The following EDEM2 variants were observed in gnomAD, a reference collection of about 807,000 sequenced individuals.
The protein encoded by EDEM2 is ER degradation enhancing alpha-mannosidase like protein 2.
A neutral mutation model predicts 64.8 loss-of-function variants in EDEM2; 39 were observed. The ratio of observed to expected loss-of-function variants is 0.60; its 90% CI spans 0.47 to 0.79. The LOEUF (loss-of-function observed/expected upper bound fraction) is 0.79. Ranked by LOEUF, EDEM2 falls within the 30% of genes least tolerant of loss-of-function variation. The pLI is 0.00. For missense variants in EDEM2, 609 were observed against 731.3 expected (o/e 0.83, Z 1.93); for synonymous variants, 296 against 291.5 (o/e 1.02, Z -0.16).
At chr20:35,135,774 C>G (rs1461913350) in intron 5 of EDEM2, among the ~76,000 whole-genome samples, 2 of 152,160 alleles carry the variant, frequency 1.3e-5, no homozygotes, top group African/African-American at 4.8e-5. Flanking sequence ...AACCACTAAA[C>G]CACGGATATA....
At position 35,144,290 on chromosome 20, in the gene EDEM2, T is replaced by C. The variant is rs140342024; in HGVS notation, c.258+689A>G. ...TGTTAGAAGAATTAATACATGTCTG[T>C]ACTAAGCCCTACAGAAACATACTAA... On this transcript the variant is annotated intron_variant, in intron 3 of 10. Coordinates refer to ENST00000374492, the MANE Select transcript of EDEM2 (RefSeq NM_018217.3). Among the ~76,000 whole-genome samples, 1,310 of 152,316 alleles carry C rather than the reference T, an allele frequency of 8.6e-3. 16 individuals are homozygous for C. Among genetic ancestry groups the C allele is most frequent in the African/African-American group, 0.027 (1,109 of 41,576 alleles).
At chr20:35,124,791 C>A (rs1404875307) in intron 8 of EDEM2, among the ~76,000 whole-genome samples, 1 of 152,114 alleles carries the variant, frequency 6.6e-6, no homozygotes, top group Non-Finnish European at 1.5e-5. Context: ...TTAATTATCT[C>A]CATATTTTTA....
chr20:35,142,093 T>G (rs556137770), intron 4 of EDEM2, among the ~76,000 whole-genome samples: 1 of 152,172 alleles, frequency 6.6e-6, no homozygotes, highest in Admixed American at 6.6e-5. Context: ...TGTTCATAGC[T>G]GTATGCCTAG....
intron 5 of EDEM2, among the ~76,000 whole-genome samples, chr20:35,135,551 T>G (rs1266721390): frequency 1.3e-5 from 2 of 152,162 alleles, no homozygotes; most frequent in Non-Finnish European, 2.9e-5. Context: ...TCTGGGAGAC[T>G]GAGGCACGAG....
intron 6 of EDEM2, among the ~76,000 whole-genome samples, chr20:35,132,265 A>G (rs1004613369): frequency 1.3e-5 from 2 of 152,070 alleles, no homozygotes; most frequent in African/African-American, 4.8e-5. Context: ...AGACAGGGGC[A>G]AAAGGGGACT....
Position 35,115,412 on chromosome 20 carries a change from A to C in EDEM2, c.*21T>G, listed in dbSNP as rs2085294669. ...TATAGTTTAGCCTCAAAAAAATAAAAATAAAAAAATTATCCAGTGGTTATG... is the reference window on the plus strand; with the variant it reads ...TATAGTTTAGCCTCAAAAAAATAAACATAAAAAAATTATCCAGTGGTTATG... On this transcript the variant is annotated 3_prime_UTR_variant, in exon 11 of 11. Transcript: ENST00000374492. 3 of 1,586,696 alleles carry C rather than the reference A, an allele frequency of 1.9e-6. No homozygotes were observed. In the South Asian group the frequency reaches 3.5e-5, roughly 18 times the overall value.
At chr20:35,141,635 G>A (rs968361163) in intron 4 of EDEM2, among the ~76,000 whole-genome samples, 8 of 152,208 alleles carry the variant, frequency 5.3e-5, no homozygotes, top group Non-Finnish European at 1.2e-4. Flanking sequence ...GGTGACAGCT[G>A]TTAAGTGGTC....
At chr20:35,145,448 T>C (rs1040629326) in intron 2 of EDEM2, among the ~76,000 whole-genome samples, 1 of 152,218 alleles carries the variant, frequency 6.6e-6, no homozygotes. Context: ...GATTAAACTG[T>C]GTTATAAACA....
intron 4 of EDEM2, 32 bp downstream of exon 4, chr20:35,142,341 T>C (rs750805682): frequency 9.6e-6 from 15 of 1,558,320 alleles, no homozygotes; most frequent in Non-Finnish European, 1.3e-5. Context: ...ACACTCTTTT[T>C]TCTTTTAAAG....
intron 5 of EDEM2, 55 bp from the exon 6 acceptor site, chr20:35,135,004 C>G: frequency 6.4e-7 from 1 of 1,558,028 alleles, no homozygotes; most frequent in Non-Finnish European, 8.8e-7. Flanking sequence ...AGGGATAGTT[C>G]TGATACACGC....
rs778527702 is a variant in EDEM2 at position 35,137,895 on chromosome 20, G to A, written c.475C>T (p.Arg159Ter). 5.0e-6 allele frequency: 8 copies of A among 1,613,940 alleles called. No individual in the cohort carries two copies. Among genetic ancestry groups the A allele is most frequent in the African/African-American group, 1.3e-5 (1 of 74,888 alleles). The change falls in exon 5 of 11, where the codon CGA becomes TGA. Residue 159 changes from arginine to a stop codon, truncating the protein, a stop_gained. Coordinates refer to ENST00000374492, the MANE Select transcript of EDEM2 (RefSeq NM_018217.3). LOFTEE classifies it high-confidence loss of function. ...PLLRMAEEAA[R>*]KLLPAFQTPT... ...TGGGTCTTACCTGGGAGGAGTTTTC[G>A]GGCCGCCTCCTCAGCCATTCTCAGG...
intron 4 of EDEM2, among the ~76,000 whole-genome samples, chr20:35,140,122 TTAAAGGAAATTC>T (rs1208047968): frequency 6.6e-6 from 1 of 152,076 alleles, no homozygotes; most frequent in Non-Finnish European, 1.5e-5. Context: ...CACACCTGCA[TTAAAGGAAATTC>T]TAAAGGAAAT....
chr20:35,116,235 G>C (rs1238514045), intron 10 of EDEM2, among the ~76,000 whole-genome samples: 1 of 152,104 alleles, frequency 6.6e-6, no homozygotes, highest in African/African-American at 2.4e-5. Flanking sequence ...CAAATCCCTG[G>C]GCTCAAGCAA....
At chr20:35,136,253 T>A (rs189664209) in intron 5 of EDEM2, among the ~76,000 whole-genome samples, 3 of 152,324 alleles carry the variant, frequency 2.0e-5, no homozygotes, top group Non-Finnish European at 4.4e-5. Context: ...GACCTTTTTT[T>A]ATAAAATGAC....
Position 35,134,772 on chromosome 20 carries a change from A to T in EDEM2, c.668T>A (p.Met223Lys). ...ATCTGACCGGCTCTCCCAGAGGCGC[A>T]TCAAAGCCACTCTGGCCACATCTTC... ...VFEDVARVALMRLWESRSDIG... is the reference protein window; with the variant it reads ...VFEDVARVALKRLWESRSDIG... Residue 223 changes from methionine (M) to lysine (K), a missense_variant, in exon 6 of 11, where the codon ATG (methionine) becomes AAG (lysine). Coordinates refer to ENST00000374492, the MANE Select transcript of EDEM2 (RefSeq NM_018217.3). 6.2e-7 allele frequency: 1 copy of T among 1,613,838 alleles called. No individual in the cohort carries two copies. Among genetic ancestry groups the T allele is most frequent in the African/African-American group, 1.3e-5 (1 of 75,036 alleles).
intron 9 of EDEM2, among the ~76,000 whole-genome samples, chr20:35,123,688 A>T (rs972341437): frequency 1.3e-5 from 2 of 152,234 alleles, no homozygotes; most frequent in South Asian, 4.1e-4. Context: ...GAGCCATTTC[A>T]TCCCACTAGG....
At chr20:35,140,009 C>A (rs865800087) in intron 4 of EDEM2, among the ~76,000 whole-genome samples, 60 of 152,192 alleles carry the variant, frequency 3.9e-4, no homozygotes, top group Admixed American at 9.8e-4. Flanking sequence ...TAACCATCAA[C>A]CTAGAACCAT....
At position 35,147,171 on chromosome 20, in the gene EDEM2, G is replaced by A; in HGVS notation, c.88C>T (p.Pro30Ser). ...HGAPGPDGSA[P>S]DPAHYRERVK... The stretch of plus-strand genomic sequence containing the variant: ...GTTCACCTGTAGTGGGCGGGATCTG[G>A]CGCGGAGCCGTCGGGACCTGGCGCA... Residue 30 changes from proline (P) to serine (S), a missense_variant, in exon 1 of 11, where the codon CCA (proline) becomes TCA (serine). Physicochemically the swap from Pro to Ser is moderately conservative, Grantham distance 74. Coordinates refer to ENST00000374492, the MANE Select transcript of EDEM2 (RefSeq NM_018217.3). 2 of 1,602,868 alleles carry A rather than the reference G, an allele frequency of 1.2e-6. No individual in the cohort carries two copies. Among genetic ancestry groups the A allele is most frequent in the Non-Finnish European group, 1.7e-6 (2 of 1,173,570 alleles).
chr20:35,131,814 G>C (rs562242351), intron 6 of EDEM2, 31 bp from the exon 7 acceptor site: 1 of 1,605,022 alleles, frequency 6.2e-7, no homozygotes, highest in African/African-American at 1.3e-5. Context: ...CGGTCCCAAC[G>C]GGAAGGCCGA....
Sources: gnomAD v4.1 joint callset for allele counts (sites outside exome capture counted in the v4.1 genomes callset) on GRCh38, gnomAD v4.1.1 for gene constraint, MANE v1.5 for transcripts, NCBI Gene and HGNC (gene_info 2026-07-23, HGNC 2026-07-21) for gene names.